PCDH19: variants seen among roughly 807,000 people sequenced by gnomAD.
PCDH19 encodes the protein protocadherin 19.
In PCDH19, 6 loss-of-function variants were observed where a neutral mutation model predicts 46.2. The observed-to-expected ratio is 0.13, with a 90% CI of 0.07 to 0.26. The LOEUF (loss-of-function observed/expected upper bound fraction) is 0.26, where lower values mean the gene tolerates loss of function less well. PCDH19 is among the 10% of genes least tolerant of loss of function. PCDH19 has a pLI of 1.00. For synonymous variants in PCDH19, 481 were observed against 415.7 expected, an observed-to-expected ratio of 1.16 and a Z score of -1.91; for missense variants, 740 against 972.3, an observed-to-expected ratio of 0.76 and a Z score of 3.18.
chrX:100,332,714 G>A (rs1233718138), intron 5 of PCDH19, among the ~76,000 whole-genome samples: 1 of 110,862 alleles, frequency 9.0e-6, no homozygotes, highest in Non-Finnish European at 1.9e-5. Context: ...CTTATGACAG[G>A]ACAGAAATAA....
At chrX:100,364,635 T>C (rs1927023650) in intron 3 of PCDH19, among the ~76,000 whole-genome samples, 1 of 111,709 alleles carries the variant, frequency 9.0e-6, no homozygotes, top group African/African-American at 3.3e-5. Flanking sequence ...CTTAGTTATA[T>C]CTCACCCCCA....
intron 1 of PCDH19, among the ~76,000 whole-genome samples, 174 bp downstream of exon 1, chrX:100,406,277 G>C (rs1397487211): frequency 1.8e-5 from 2 of 112,099 alleles, no homozygotes; most frequent in Non-Finnish European, 3.8e-5. Flanking sequence ...CAAATTGTCA[G>C]ATCAAAAGAA....
At chrX:100,382,411 T>A (rs1354345040) in intron 3 of PCDH19, among the ~76,000 whole-genome samples, 1 of 112,176 alleles carries the variant, frequency 8.9e-6, no homozygotes, top group Non-Finnish European at 1.9e-5. Flanking sequence ...AAGTAAAACA[T>A]GTCTGAGACA....
chrX:100,355,115 T>C, intron 3 of PCDH19, among the ~76,000 whole-genome samples: 1 of 111,901 alleles, frequency 8.9e-6, no homozygotes, highest in Non-Finnish European at 1.9e-5. Context: ...TAATAAAATG[T>C]TGATTTTTAA....
chrX:100,396,507 T>C (rs997203103), intron 3 of PCDH19, among the ~76,000 whole-genome samples: 1 of 111,635 alleles, frequency 9.0e-6, no homozygotes, highest in Non-Finnish European at 1.9e-5. Flanking sequence ...CTCCAGCCCC[T>C]TGGGGAGAAA....
rs267606933 is a variant in PCDH19, at chrX:100,406,927, G to A, written c.1671C>T (p.Asn557=). The A allele has an allele frequency of 8.3e-7, 1 of 1,211,757 alleles. No individual in the cohort carries two copies. The highest frequency in any genetic ancestry group is 1.1e-6 in the Non-Finnish European group (1 of 895,450). The change falls in exon 1 of 6, where the codon AAC becomes AAT. Residue 557 remains asparagine, a synonymous_variant. Coordinates refer to ENST00000373034, the MANE Select transcript of PCDH19 (RefSeq NM_001184880.2). ...ATVRVIILDV[N]DNTPVITAPP... Reference sequence around the variant, plus strand: ...GGGCTGTGATGACCGGGGTGTTGTCGTTGACGTCGAGGATGATGACCCGCA... The same window carrying A: ...GGGCTGTGATGACCGGGGTGTTGTCATTGACGTCGAGGATGATGACCCGCA...
chrX:100,352,410 C>T (rs763069708), intron 3 of PCDH19, among the ~76,000 whole-genome samples: 13 of 112,526 alleles, frequency 1.2e-4, no homozygotes, highest in Non-Finnish European at 1.9e-4. Context: ...TGTTCATCTA[C>T]GATATTCAGT....
chrX:100,349,451 G>A (rs1307637785), intron 4 of PCDH19, among the ~76,000 whole-genome samples: 1 of 111,605 alleles, frequency 9.0e-6, no homozygotes, highest in Non-Finnish European at 1.9e-5. Context: ...CATCACTTAA[G>A]GTCACAAGCA....
chrX:100,353,797 T>G (rs1419383757), intron 3 of PCDH19, among the ~76,000 whole-genome samples: 2 of 111,829 alleles, frequency 1.8e-5, no homozygotes, highest in Non-Finnish European at 3.8e-5. Flanking sequence ...GGTCCTGACC[T>G]TCAAATGAAA....
intron 3 of PCDH19, among the ~76,000 whole-genome samples, chrX:100,398,373 A>T (rs1007143097): frequency 3.6e-5 from 4 of 112,245 alleles, no homozygotes; most frequent in African/African-American, 1.3e-4. Flanking sequence ...ACTGCATTCA[A>T]AGTCATATTT....
At position 100,296,443 on chromosome X, in the gene PCDH19, A is replaced by C; in HGVS notation, c.3281T>G (p.Leu1094Arg). The C allele has an allele frequency of 8.3e-7, 1 of 1,211,563 alleles. No homozygotes were observed. Among genetic ancestry groups the C allele is most frequent in the Non-Finnish European group, 1.1e-6 (1 of 895,449 alleles). ...GTTGACATTGTTGACATACTGCTCC[A>C]GATCACGGGCTGGGGGAGCCAGGGC... ...TIALAPPARD[L>R]EQYVNNVNNG... Residue 1094 changes from leucine (L) to arginine (R), a missense_variant, in exon 6 of 6, where the codon CTG becomes CGG. Leu to Arg is a moderately radical substitution (Grantham distance 102). This residue lies in a region of PCDH19 where 416 missense variants were observed against 476.8 expected (regional missense o/e 0.87). Transcript: ENST00000373034.
At chrX:100,369,070 A>C (rs1353185411) in intron 3 of PCDH19, among the ~76,000 whole-genome samples, 1 of 111,600 alleles carries the variant, frequency 9.0e-6, no homozygotes, top group Non-Finnish European at 1.9e-5. Context: ...TTCTTCTGTC[A>C]TTTGGGCATA....
chrX:100,325,577 C>T (rs950639148), intron 5 of PCDH19, among the ~76,000 whole-genome samples: 4 of 111,108 alleles, frequency 3.6e-5, no homozygotes, highest in African/African-American at 1.3e-4. Flanking sequence ...ACCATGTTGG[C>T]CAGGCTGGTC....
At chrX:100,394,080 T>C (rs752069627) in intron 3 of PCDH19, among the ~76,000 whole-genome samples, 1 of 111,803 alleles carries the variant, frequency 8.9e-6, no homozygotes, top group Non-Finnish European at 1.9e-5. Flanking sequence ...GGCAGCAGAA[T>C]CGCTTGAACC....
At chrX:100,402,443 G>T in intron 3 of PCDH19, 81 bp downstream of exon 3, 1 of 850,748 alleles carries the variant, frequency 1.2e-6, no homozygotes, top group Non-Finnish European at 1.7e-6. Flanking sequence ...GGATGTGCCA[G>T]CACAGCAGCT....
chrX:100,397,472 G>C (rs184146347), intron 3 of PCDH19, among the ~76,000 whole-genome samples: 1 of 112,062 alleles, frequency 8.9e-6, no homozygotes, highest in Admixed American at 9.5e-5. Flanking sequence ...GTAGAAAATA[G>C]AATTCAAGAT....
chrX:100,325,369 C>CTTT (rs72174481), intron 5 of PCDH19, among the ~76,000 whole-genome samples: 18 of 81,366 alleles, frequency 2.2e-4, no homozygotes, highest in Middle Eastern at 6.8e-3. Context: ...CTATAATGAT[C>CTTT]TTTTTTTTTT....
chrX:100,303,618 T>A (rs986081526), intron 5 of PCDH19, among the ~76,000 whole-genome samples: 2 of 111,831 alleles, frequency 1.8e-5, no homozygotes, highest in African/African-American at 6.5e-5. Flanking sequence ...GGCTGAGATA[T>A]CTGTAGACAC....
chrX:100,367,218 G>C (rs1339403418), intron 3 of PCDH19, among the ~76,000 whole-genome samples: 1 of 112,124 alleles, frequency 8.9e-6, no homozygotes, highest in Admixed American at 9.5e-5. Flanking sequence ...AACAAATACT[G>C]TTAAGACTAT....
Sources: allele counts gnomAD v4.1 joint callset (sites outside exome capture counted in the v4.1 genomes callset), GRCh38; gene constraint gnomAD v4.1.1; regional missense constraint gnomAD v4.1.1; transcripts MANE v1.5; gene names NCBI Gene and HGNC (gene_info 2026-07-23, HGNC 2026-07-21).